The following PAX5 variants were observed in gnomAD, a reference collection of about 807,000 sequenced individuals.
PAX5 encodes the protein paired box protein Pax-5.
In PAX5, 9 loss-of-function variants were observed where a neutral mutation model predicts 43.7. The ratio of observed to expected loss-of-function variants is 0.21; its 90% confidence interval spans 0.12 to 0.36. The LOEUF is 0.36. Among genes scored for constraint, PAX5 ranks in the 10% least tolerant of loss-of-function variants. The pLI is 1.00. For synonymous variants in PAX5, 228 were observed against 214.3 expected, an observed-to-expected ratio of 1.06 and a Z score of -0.56; for missense variants, 383 against 532.7, an observed-to-expected ratio of 0.72 and a Z score of 2.77.
intron 7 of PAX5, among the ~76,000 whole-genome samples, chr9:36,899,869 A>C (rs930502202): frequency 6.6e-5 from 10 of 152,164 alleles, no homozygotes; most frequent in Non-Finnish European, 1.2e-4. Flanking sequence ...AATCCAGTGC[A>C]ACCATTTCGT....
rs368036487 is a variant in PAX5 at position 37,034,088 on chromosome 9, C to CT, written c.-58dup. ...GGGAAAAGTTTCCACTTTTTTGTGC[C>CT]TTTTTTTTTCTTTTTTTTTTTTTTT... On this transcript the variant is annotated 5_prime_UTR_variant, in exon 1 of 10. Transcript: ENST00000358127. 1,560 of 447,160 alleles carry CT rather than the reference C, an allele frequency of 3.5e-3. 13 individuals carry two copies. The highest frequency in any genetic ancestry group is 0.033 in the African/African-American group (908 of 27,582). The allele number at this position is 447,160 out of a possible 1,614,324, so 27.7% of individuals were successfully genotyped here. A position where few individuals can be genotyped will look rare whatever the true frequency, so the allele number is the denominator to read the frequency against.
At chr9:36,870,160 A>T (rs1825367824) in intron 8 of PAX5, among the ~76,000 whole-genome samples, 1 of 148,766 alleles carries the variant, frequency 6.7e-6, no homozygotes, top group Non-Finnish European at 1.5e-5. Flanking sequence ...GGATGGATAA[A>T]TGGATGGATG....
chr9:36,927,712 C>T (rs1170308426), intron 6 of PAX5, among the ~76,000 whole-genome samples: 4 of 142,084 alleles, frequency 2.8e-5, no homozygotes, highest in Admixed American at 7.0e-5. Flanking sequence ...TTTTCTTTTT[C>T]TTTTTTTTTT....
chr9:36,918,253 C>T (rs1306285699), intron 7 of PAX5, among the ~76,000 whole-genome samples: 1 of 152,130 alleles, frequency 6.6e-6, no homozygotes, highest in African/African-American at 2.4e-5. Flanking sequence ...CACCAAACAG[C>T]CAAATTGTGA....
intron 8 of PAX5, among the ~76,000 whole-genome samples, chr9:36,870,102 G>A (rs1203355372): frequency 2.4e-5 from 1 of 42,134 alleles, no homozygotes; most frequent in African/African-American, 9.4e-5. Context: ...ATGGATGGAT[G>A]GATGGATGGA....
At chr9:36,917,426 A>C (rs1056830339) in intron 7 of PAX5, among the ~76,000 whole-genome samples, 9 of 152,262 alleles carry the variant, frequency 5.9e-5, no homozygotes, top group Non-Finnish European at 5.9e-5. Flanking sequence ...CTATGTGGGA[A>C]TATGACCCAG....
At chr9:37,026,112 G>C (rs1201840805) in intron 1 of PAX5, among the ~76,000 whole-genome samples, 1 of 152,362 alleles carries the variant, frequency 6.6e-6, no homozygotes, top group African/African-American at 2.4e-5. Context: ...CCAAGCGCCA[G>C]TCTGGATCAG....
chr9:36,909,942 C>T (rs965855201), intron 7 of PAX5, among the ~76,000 whole-genome samples: 2 of 151,356 alleles, frequency 1.3e-5, no homozygotes, highest in African/African-American at 4.9e-5. Flanking sequence ...CTGCCCCAGC[C>T]TCCCAAGCAG....
At position 36,937,586 on chromosome 9, in the gene PAX5, T is replaced by C. The variant is rs193160461; in HGVS notation, c.781-14102A>G. ...CTGCTAGGCCAGGCTCCTCTTCCTG[T>C]GTTTGGTGACCTCTTTAGATAACCC... On this transcript the variant is annotated intron_variant, in intron 6 of 9. Coordinates refer to ENST00000358127, the MANE Select transcript of PAX5 (RefSeq NM_016734.3). Among the ~76,000 whole-genome samples, 394 of 152,312 alleles carry C rather than the reference T, an allele frequency of 2.6e-3. 2 individuals are homozygous for C. The highest frequency in any genetic ancestry group is 9.0e-3 in the African/African-American group (376 of 41,560).
chr9:36,880,026 A>T (rs1036384099), intron 8 of PAX5, among the ~76,000 whole-genome samples: 3 of 152,224 alleles, frequency 2.0e-5, no homozygotes, highest in Non-Finnish European at 4.4e-5. Context: ...CATGTGTCTC[A>T]TATTTAAAAG....
chr9:37,026,658 C>T, intron 1 of PAX5: 1 of 1,349,102 alleles, frequency 7.4e-7, no homozygotes, highest in Non-Finnish European at 9.7e-7. Context: ...GGAGCCTCGC[C>T]ACCAGGCCAG....
intron 8 of PAX5, among the ~76,000 whole-genome samples, chr9:36,851,852 C>T (rs989342345): frequency 1.3e-5 from 2 of 152,162 alleles, no homozygotes; most frequent in Admixed American, 1.3e-4. Flanking sequence ...GGGCTGGTCC[C>T]CTTCTAGGCC....
chr9:36,996,729 CCCCTTCCCTCTGGCCATAG>C (rs1837426342), intron 5 of PAX5, among the ~76,000 whole-genome samples: 1 of 152,246 alleles, frequency 6.6e-6, no homozygotes, highest in Admixed American at 6.5e-5. Context: ...GCTTCTGAAG[CCCCTTCCCTCTGGCCATAG>C]CTCCCGTGGA....
At chr9:37,030,017 C>T (rs1315417162) in intron 1 of PAX5, among the ~76,000 whole-genome samples, 1 of 152,212 alleles carries the variant, frequency 6.6e-6, no homozygotes, top group South Asian at 2.1e-4. Context: ...TATGCCCGCA[C>T]ACGCAGGTTT....
intron 6 of PAX5, among the ~76,000 whole-genome samples, chr9:36,962,955 T>C (rs894996052): frequency 3.3e-5 from 5 of 152,224 alleles, no homozygotes; most frequent in African/African-American, 1.2e-4. Flanking sequence ...CTTGGAGAGC[T>C]AGCATGAGGG....
Position 36,936,129 on chromosome 9 carries a change from C to T in PAX5, c.781-12645G>A, listed in dbSNP as rs573449230. 2.2e-4 allele frequency among the ~76,000 whole-genome samples: 34 copies of T among 152,364 alleles called. 1 individual carries two copies. The South Asian group carries it at 6.8e-3, about 31-fold the overall frequency. The stretch of plus-strand genomic sequence containing the variant: ...TGCTATTTGCAAGCTCACAGGTCTT[C>T]CCAAATACGTGGACAGAAAGGTTAT... On this transcript the variant is annotated intron_variant, in intron 6 of 9. Transcript: ENST00000358127.
At chr9:37,009,067 A>C (rs184025979) in intron 3 of PAX5, among the ~76,000 whole-genome samples, 10 of 152,390 alleles carry the variant, frequency 6.6e-5, no homozygotes, top group Admixed American at 6.5e-4. Context: ...AGTTCAGCTT[A>C]AAATCCTTAC....
chr9:36,950,378 G>A (rs1832896480), intron 6 of PAX5, among the ~76,000 whole-genome samples: 1 of 152,218 alleles, frequency 6.6e-6, no homozygotes, highest in Non-Finnish European at 1.5e-5. Context: ...AAATAGAAGA[G>A]AGGAAATGCA....
intron 7 of PAX5, among the ~76,000 whole-genome samples, chr9:36,906,645 C>T (rs1366036717): frequency 6.6e-6 from 1 of 152,324 alleles, no homozygotes; most frequent in South Asian, 2.1e-4. Flanking sequence ...AATGGAACAT[C>T]CAAGACAGGC....
Sources: gnomAD v4.1 joint callset for allele counts (sites outside exome capture counted in the v4.1 genomes callset) on GRCh38, gnomAD v4.1.1 for gene constraint, MANE v1.5 for transcripts, NCBI Gene and HGNC (gene_info 2026-07-23, HGNC 2026-07-21) for gene names.